The following SORCS2 variants were observed in gnomAD, a reference collection of about 807,000 sequenced individuals.
SORCS2 encodes the protein sortilin related VPS10 domain containing receptor 2.
A neutral mutation model predicts 141.6 loss-of-function variants in SORCS2; 100 were observed. The ratio of observed to expected loss-of-function variants is 0.71; its 90% confidence interval spans 0.60 to 0.83. The LOEUF is 0.83. SORCS2 is among the 40% of genes least tolerant of loss of function. The probability of loss-of-function intolerance (pLI) is 0.00; values close to 1 mark genes in which losing one functional copy is unlikely to be tolerated. For missense variants in SORCS2, 1,646 were observed against 1,560.2 expected (o/e 1.05, Z -0.93); for synonymous variants, 789 against 676.9 (o/e 1.17, Z -2.57).
Position 7,236,431 on chromosome 4 carries a change from G to A in SORCS2, c.480+43305G>A, listed in dbSNP as rs557245132. Among the ~76,000 whole-genome samples, 234 of 152,104 alleles carry A rather than the reference G, an allele frequency of 1.5e-3. 1 individual carries two copies. The highest frequency in any genetic ancestry group is 5.2e-3 in the African/African-American group (215 of 41,470). ...TATTGGCAGCAGGAGAGTGAGGGGA[G>A]TCTGAGAGTCACGGGAGAAAAGACA... On this transcript the variant is annotated intron_variant, in intron 1 of 26. Coordinates refer to ENST00000507866, the MANE Select transcript of SORCS2 (RefSeq NM_020777.3).
At position 7,678,648 on chromosome 4, in the gene SORCS2, T is replaced by C. The variant is rs1352653480; in HGVS notation, c.1341+2419T>C. Among the ~76,000 whole-genome samples the C allele has an allele frequency of 6.3e-5, 9 of 141,844 alleles. No individual in the cohort carries two copies. In the East Asian group the frequency reaches 8.7e-4, roughly 14 times the overall value. 93.1% of individuals were successfully genotyped at this position (141,844 alleles called of 152,430 possible). On this transcript the variant is annotated intron_variant, in intron 9 of 26. Coordinates refer to ENST00000507866, the MANE Select transcript of SORCS2 (RefSeq NM_020777.3). Reference sequence around the variant, plus strand: ...AGAGCCACACACACAGGCCTCAAGGTGAGAGGAAGCAAGAAGCCAGAAGAG... The same window carrying C: ...AGAGCCACACACACAGGCCTCAAGGCGAGAGGAAGCAAGAAGCCAGAAGAG...
At chr4:7,350,030 A>G (rs2109004051) in intron 1 of SORCS2, among the ~76,000 whole-genome samples, 1 of 152,320 alleles carries the variant, frequency 6.6e-6, no homozygotes, top group African/African-American at 2.4e-5. Flanking sequence ...TATCTGGGAC[A>G]TTCAAAAAAA....
intron 23 of SORCS2, among the ~76,000 whole-genome samples, chr4:7,730,484 C>T (rs1217943921): frequency 1.3e-5 from 2 of 152,170 alleles, no homozygotes; most frequent in Non-Finnish European, 2.9e-5. Context: ...TCATCGTAGC[C>T]AAAAAGTGCT....
intron 3 of SORCS2, among the ~76,000 whole-genome samples, chr4:7,603,534 T>A (rs1461954633): frequency 6.6e-6 from 1 of 152,234 alleles, no homozygotes; most frequent in African/African-American, 2.4e-5. Context: ...TTTGGCTCAT[T>A]TTCAGAGCTG....
chr4:7,543,939 C>CCCATCCACCCATCCAT (rs1553881897), intron 3 of SORCS2, among the ~76,000 whole-genome samples: 4,560 of 16,674 alleles, frequency 0.27, 1,463 homozygotes, highest in East Asian at 0.38. Context: ...CACCCATCCA[C>CCCATCCACCCATCCAT]CCATCCATCC....
Position 7,712,907 on chromosome 4 carries a change from G to A in SORCS2, c.1989+54G>A, listed in dbSNP as rs1725921515. On this transcript the variant is annotated intron_variant, in intron 15 of 26. Coordinates refer to ENST00000507866, the MANE Select transcript of SORCS2 (RefSeq NM_020777.3). ...AGGTGGGGTACAGACTGCAAACACA[G>A]GCCCACTCTGCCTGCCAAAGTCCTC... is the stretch of plus-strand genomic sequence containing the variant. 3.1e-6 allele frequency: 5 copies of A among 1,596,312 alleles called. No homozygotes were observed. The East Asian group carries it at 1.1e-4, about 36-fold the overall frequency.
chr4:7,565,872 G>C (rs1560391006), intron 3 of SORCS2, among the ~76,000 whole-genome samples: 1 of 133,474 alleles, frequency 7.5e-6, no homozygotes, highest in East Asian at 2.2e-4. Flanking sequence ...GTGATGATGT[G>C]ATGATGGAGA....
intron 3 of SORCS2, among the ~76,000 whole-genome samples, chr4:7,632,359 A>G (rs1442231536): frequency 6.6e-6 from 1 of 152,292 alleles, no homozygotes; most frequent in East Asian, 1.9e-4. Flanking sequence ...AGTAAGCAGT[A>G]AAAATACACC....
rs112852482 is a variant in SORCS2 at position 7,395,100 on chromosome 4, T to G, written c.481-1188T>G. On this transcript the variant is annotated intron_variant, in intron 1 of 26. Coordinates refer to ENST00000507866, the MANE Select transcript of SORCS2 (RefSeq NM_020777.3). Reference sequence around the variant, plus strand: ...CATGGCATAGCCAATCTGGCCTTGATTGACAAGGCCTCGCTTTTTTAAATC... The same window carrying G: ...CATGGCATAGCCAATCTGGCCTTGAGTGACAAGGCCTCGCTTTTTTAAATC... Among the ~76,000 whole-genome samples, 719 of 152,338 alleles carry G rather than the reference T, an allele frequency of 4.7e-3. 10 individuals carry two copies. Among genetic ancestry groups the G allele is most frequent in the African/African-American group, 0.016 (678 of 41,576 alleles).
chr4:7,603,678 TC>T (rs759278327), intron 3 of SORCS2, among the ~76,000 whole-genome samples: 3 of 152,210 alleles, frequency 2.0e-5, no homozygotes, highest in Non-Finnish European at 4.4e-5. Context: ...CTCTATTGTT[TC>T]TGTGGTTCTT....
chr4:7,708,957 T>G (rs1725649915), intron 14 of SORCS2, among the ~76,000 whole-genome samples: 1 of 152,212 alleles, frequency 6.6e-6, no homozygotes, highest in South Asian at 2.1e-4. Flanking sequence ...AGGCCCTGGA[T>G]GCATAAAATC....
chr4:7,211,338 C>T (rs891662010), intron 1 of SORCS2, among the ~76,000 whole-genome samples: 21 of 152,148 alleles, frequency 1.4e-4, no homozygotes, highest in Non-Finnish European at 2.4e-4. Flanking sequence ...CAGGCCATGG[C>T]GCTGGGACGG....
intron 1 of SORCS2, among the ~76,000 whole-genome samples, chr4:7,246,883 A>C (rs1713133974): frequency 6.6e-6 from 1 of 152,188 alleles, no homozygotes; most frequent in African/African-American, 2.4e-5. Flanking sequence ...ACCTCCCCAC[A>C]GCCTCCTGCC....
chr4:7,700,596 G>A (rs35363070), intron 12 of SORCS2, among the ~76,000 whole-genome samples: 8,157 of 152,282 alleles, frequency 0.054, 306 homozygotes, highest in Middle Eastern at 0.085. Context: ...CCCTTGTCCA[G>A]GAAACAATTT....
At chr4:7,314,800 GTTT>G (rs397880294) in intron 1 of SORCS2, among the ~76,000 whole-genome samples, 1,414 of 109,420 alleles carry the variant, frequency 0.013, 4 homozygotes, top group African/African-American at 0.031. Flanking sequence ...CCACTGTTCT[GTTT>G]TTTTTTTTTT....
At chr4:7,405,015 T>C (rs1724881836) in intron 2 of SORCS2, among the ~76,000 whole-genome samples, 2 of 152,202 alleles carry the variant, frequency 1.3e-5, no homozygotes, top group South Asian at 2.1e-4. Context: ...TTAATCCATC[T>C]TGAGTTGATT....
intron 2 of SORCS2, among the ~76,000 whole-genome samples, chr4:7,400,461 C>CCCACCA (rs71173499): frequency 0.01 from 1,534 of 151,330 alleles, 27 homozygotes; most frequent in African/African-American, 0.034. Flanking sequence ...TATGGTTTGC[C>CCCACCA]CCACCACCAC....
intron 2 of SORCS2, among the ~76,000 whole-genome samples, chr4:7,519,970 C>T (rs1733221467): frequency 1.3e-5 from 2 of 152,210 alleles, no homozygotes; most frequent in South Asian, 4.1e-4. Context: ...GAGTTAGGCC[C>T]CAGGGCTCCT....
At chr4:7,429,727 G>C (rs1726697117) in intron 2 of SORCS2, among the ~76,000 whole-genome samples, 1 of 152,228 alleles carries the variant, frequency 6.6e-6, no homozygotes, top group African/African-American at 2.4e-5. Flanking sequence ...CAGAGTGGTG[G>C]GGTCAGGACT....
Sources: gnomAD v4.1 joint callset for allele counts (sites outside exome capture counted in the v4.1 genomes callset) on GRCh38, gnomAD v4.1.1 for gene constraint, MANE v1.5 for transcripts, NCBI Gene and HGNC (gene_info 2026-07-23, HGNC 2026-07-21) for gene names.